Variants in RUNX2 observed in about 807,000 individuals in gnomAD.
RUNX2 encodes the protein RUNX family transcription factor 2, also known as runt-related transcription factor 2.
Under a neutral mutation model 51.7 loss-of-function variants are expected in RUNX2, and 10 were observed. That is an observed-to-expected ratio of 0.19 (90% CI 0.12 to 0.33). RUNX2 has a LOEUF of 0.33. Ranked by LOEUF, RUNX2 falls within the 10% of genes least tolerant of loss-of-function variation. RUNX2 has a pLI of 1.00. For missense variants in RUNX2, 562 were observed against 691.3 expected (o/e 0.81, Z 2.10); for synonymous variants, 276 against 273.6 (o/e 1.01, Z -0.09).
chr6:45,490,105 A>G (rs971185982), intron 5 of RUNX2, among the ~76,000 whole-genome samples: 1 of 152,198 alleles, frequency 6.6e-6, no homozygotes, highest in South Asian at 2.1e-4. Context: ...GCTAGTCGGC[A>G]GCCGAGGACC....
At chr6:45,510,416 AG>A (rs1248929198) in intron 6 of RUNX2, among the ~76,000 whole-genome samples, 2 of 152,224 alleles carry the variant, frequency 1.3e-5, no homozygotes, top group Admixed American at 6.5e-5. Flanking sequence ...TTTTGACTCA[AG>A]GAAGTATGTC....
In RUNX2 at chr6:45,512,393, C is replaced by A; in HGVS notation, c.1007C>A (p.Pro336His). The A allele has an allele frequency of 6.2e-7, 1 of 1,614,020 alleles. No individual in the cohort carries two copies. ...GTGLPAITDV[P>H]RRISDDDTAT... ...GGGCTTCCTGCCATCACCGATGTGCCTAGGCGCATTTCAGGTAAAGACCGT... is the reference window on the plus strand; with the variant it reads ...GGGCTTCCTGCCATCACCGATGTGCATAGGCGCATTTCAGGTAAAGACCGT... The change falls in exon 7 of 9, where the codon CCT becomes CAT. Residue 336 changes from proline (P) to histidine (H), a missense_variant. Physicochemically the swap from Pro to His is moderately conservative, Grantham distance 77. Coordinates refer to ENST00000647337, the MANE Select transcript of RUNX2 (RefSeq NM_001024630.4).
intron 5 of RUNX2, among the ~76,000 whole-genome samples, chr6:45,490,177 C>T (rs139894643): frequency 1.7e-4 from 26 of 152,300 alleles, no homozygotes; most frequent in African/African-American, 6.3e-4. Context: ...CCTTACTTGC[C>T]AGGGTCTAGG....
chr6:45,504,975 A>G (rs1259219599), intron 6 of RUNX2, among the ~76,000 whole-genome samples: 17 of 152,224 alleles, frequency 1.1e-4, no homozygotes. Context: ...CTCCCTGCAG[A>G]CAGCTTTGGC....
chr6:45,371,408 T>C (rs1437484803), intron 2 of RUNX2, among the ~76,000 whole-genome samples: 1 of 151,824 alleles, frequency 6.6e-6, no homozygotes, highest in Non-Finnish European at 1.5e-5. Context: ...TTTTTTTTTT[T>C]TTCACAATTA....
At chr6:45,444,371 T>A (rs1393710877) in intron 5 of RUNX2, among the ~76,000 whole-genome samples, 4 of 152,224 alleles carry the variant, frequency 2.6e-5, no homozygotes, top group African/African-American at 7.2e-5. Context: ...GCCAGCCACC[T>A]GTCTCAACCT....
chr6:45,538,850 AG>A (rs1348583087), intron 7 of RUNX2, among the ~76,000 whole-genome samples: 3 of 152,108 alleles, frequency 2.0e-5, no homozygotes, highest in South Asian at 4.1e-4. Context: ...AGGATGTGAC[AG>A]GGCAGTCATA....
intron 6 of RUNX2, among the ~76,000 whole-genome samples, chr6:45,492,956 A>G (rs1800528702): frequency 6.6e-6 from 1 of 152,230 alleles, no homozygotes; most frequent in African/African-American, 2.4e-5. Flanking sequence ...ACTAGAATAG[A>G]GGGAAAGTAA....
chr6:45,416,822 G>C (rs143313919), intron 2 of RUNX2, among the ~76,000 whole-genome samples: 1 of 152,290 alleles, frequency 6.6e-6, no homozygotes, highest in East Asian at 1.9e-4. Context: ...CTCCATGAAT[G>C]TGGTTCTGAA....
chr6:45,495,852 A>C (rs1309378246), intron 6 of RUNX2, among the ~76,000 whole-genome samples: 2 of 152,214 alleles, frequency 1.3e-5, no homozygotes, highest in African/African-American at 4.8e-5. Flanking sequence ...ACTTCTAGCC[A>C]TGTGGTAGCT....
chr6:45,342,700 T>C (rs1790048838), intron 2 of RUNX2, among the ~76,000 whole-genome samples: 1 of 152,078 alleles, frequency 6.6e-6, no homozygotes, highest in Non-Finnish European at 1.5e-5. Flanking sequence ...TTAAAAACCA[T>C]CAATACATAA....
At chr6:45,519,834 GTGTA>G (rs199705096) in intron 7 of RUNX2, among the ~76,000 whole-genome samples, 152 of 137,124 alleles carry the variant, frequency 1.1e-3, no homozygotes, top group Admixed American at 1.8e-3. Context: ...GTGTGTGTGT[GTGTA>G]TATATTTGAG....
chr6:45,418,792 T>G (rs1267126895), intron 2 of RUNX2, among the ~76,000 whole-genome samples: 11 of 152,150 alleles, frequency 7.2e-5, no homozygotes. Flanking sequence ...GAAACGTTGT[T>G]AGGGTATTCA....
rs560110427 is a variant in RUNX2, at chr6:45,549,210, C to G, written c.*1905C>G. The G allele has an allele frequency of 7.5e-6, 3 of 398,516 alleles. No homozygotes were observed. Among genetic ancestry groups the G allele is most frequent in the South Asian group, 1.3e-4 (1 of 7,850 alleles). The allele number at this position is 398,516 out of a possible 1,614,324, so 24.7% of individuals were successfully genotyped here. On this transcript the variant is annotated 3_prime_UTR_variant, in exon 9 of 9. Transcript: ENST00000647337. ...CCAGGCCAATCCCTGCTCTCCTCCC[C>G]GAAAAGTCAGGGTCCCTTCATTGGA...
At chr6:45,506,906 T>C (rs949183653) in intron 6 of RUNX2, among the ~76,000 whole-genome samples, 1 of 151,976 alleles carries the variant, frequency 6.6e-6, no homozygotes, top group African/African-American at 2.4e-5. Context: ...TCCACCCAAC[T>C]TGGCCTTCCA....
chr6:45,449,151 T>C (rs1029785601), intron 5 of RUNX2, among the ~76,000 whole-genome samples: 1 of 152,226 alleles, frequency 6.6e-6, no homozygotes, highest in Admixed American at 6.5e-5. Context: ...AATTCTTCTT[T>C]TGAGACCTCA....
At chr6:45,331,644 G>A (rs577123715) in intron 2 of RUNX2, among the ~76,000 whole-genome samples, 1 of 151,918 alleles carries the variant, frequency 6.6e-6, no homozygotes, top group South Asian at 2.1e-4. Context: ...AACTGTTAAA[G>A]ATTTTTAGTT....
Position 45,332,843 on chromosome 6 carries a change from T to G in RUNX2, c.58+4059T>G, listed in dbSNP as rs143929925. ...TCACTCACAAGTCAGACATTACTAA[T>G]CAGGTGCTAGCAGATCCAATGGTAA... On this transcript the variant is annotated intron_variant, in intron 2 of 8. Coordinates refer to ENST00000647337, the MANE Select transcript of RUNX2 (RefSeq NM_001024630.4). Among the ~76,000 whole-genome samples, 302 of 151,866 alleles carry G rather than the reference T, an allele frequency of 2.0e-3. 2 individuals are homozygous for G. The highest frequency in any genetic ancestry group is 0.014 in the Middle Eastern group (4 of 294).
At chr6:45,534,324 C>G (rs775393896) in intron 7 of RUNX2, among the ~76,000 whole-genome samples, 1 of 152,180 alleles carries the variant, frequency 6.6e-6, no homozygotes, top group Non-Finnish European at 1.5e-5. Flanking sequence ...GCTGTGTCCT[C>G]GAGATGGTGC....
Sources: gnomAD v4.1 joint callset for allele counts (sites outside exome capture counted in the v4.1 genomes callset) on GRCh38, gnomAD v4.1.1 for gene constraint, MANE v1.5 for transcripts, NCBI Gene and HGNC (gene_info 2026-07-23, HGNC 2026-07-21) for gene names.